GREB1L: variants seen among roughly 807,000 people sequenced by gnomAD.
GREB1L encodes GREB1-like protein.
A neutral mutation model predicts 200.8 loss-of-function variants in GREB1L; 17 were observed. The observed-to-expected ratio is 0.08, with a 90% CI of 0.06 to 0.13. The LOEUF (loss-of-function observed/expected upper bound fraction) is 0.13, where lower values mean the gene tolerates loss of function less well. Ranked by LOEUF, GREB1L falls within the 10% of genes least tolerant of loss-of-function variation. GREB1L has a pLI of 1.00. For missense variants in GREB1L, 1,657 were observed against 2,367.7 expected, an observed-to-expected ratio of 0.70 and a Z score of 6.23; for synonymous variants, 789 against 893.0, an observed-to-expected ratio of 0.88 and a Z score of 2.08.
intron 18 of GREB1L, among the ~76,000 whole-genome samples, chr18:21,486,669 T>C (rs2036141346): frequency 6.6e-6 from 1 of 152,170 alleles, no homozygotes; most frequent in Admixed American, 6.5e-5. Context: ...ATTTTCAGAT[T>C]AAACTCTGAA....
intron 20 of GREB1L, 24 bp downstream of exon 20, chr18:21,495,809 A>C (rs1290139273): frequency 7.7e-7 from 1 of 1,294,850 alleles, no homozygotes; most frequent in Non-Finnish European, 1.1e-6. Context: ...AATTAATTCC[A>C]TTTTTCATCA....
intron 1 of GREB1L, among the ~76,000 whole-genome samples, chr18:21,285,008 C>T (rs2038331551): frequency 1.3e-5 from 2 of 151,826 alleles, no homozygotes; most frequent in Non-Finnish European, 1.5e-5. Context: ...AATCCTTTGC[C>T]CAGTTTTTGA....
At chr18:21,302,775 G>A (rs1251642808) in intron 1 of GREB1L, among the ~76,000 whole-genome samples, 1 of 152,142 alleles carries the variant, frequency 6.6e-6, no homozygotes, top group Non-Finnish European at 1.5e-5. Flanking sequence ...AGGTTGGAGT[G>A]CAGTGGCGTG....
At chr18:21,512,638 CTTTTA>C (rs1468660945) in intron 27 of GREB1L, among the ~76,000 whole-genome samples, 3 of 151,802 alleles carry the variant, frequency 2.0e-5, no homozygotes, top group Non-Finnish European at 4.4e-5. Flanking sequence ...CTTTGGTTGC[CTTTTA>C]TTTATTTATT....
chr18:21,294,124 A>G (rs761190902), intron 1 of GREB1L, among the ~76,000 whole-genome samples: 2 of 152,184 alleles, frequency 1.3e-5, no homozygotes, highest in Admixed American at 6.6e-5. Context: ...ATGGTCCAGT[A>G]TGGTAGTCAC....
rs2039579065 is a variant in GREB1L, at chr18:21,361,463, T to A, written c.-119-4564T>A. On this transcript the variant is annotated intron_variant, in intron 1 of 32. Transcript: ENST00000424526. ...AGGCTGCACAAATTAAGGTGGAGAC[T>A]TGGGGGAGGGATCCAGTCAGGGAAG... 2.0e-5 allele frequency among the ~76,000 whole-genome samples: 3 copies of A among 152,068 alleles called. No homozygotes were observed. In the South Asian group the frequency reaches 6.2e-4, roughly 32 times the overall value.
At chr18:21,489,251 ACCAGGC>A (rs2036239325) in intron 18 of GREB1L, among the ~76,000 whole-genome samples, 2 of 152,090 alleles carry the variant, frequency 1.3e-5, no homozygotes, top group African/African-American at 4.8e-5. Flanking sequence ...TGCTGCTGCT[ACCAGGC>A]TCAGATTTGC....
chr18:21,437,422 A>T (rs901350589), intron 7 of GREB1L, among the ~76,000 whole-genome samples: 1 of 152,222 alleles, frequency 6.6e-6, no homozygotes. Flanking sequence ...AAGCGATCAG[A>T]TGAAAGGCTG....
At chr18:21,490,861 A>C (rs1477645663) in intron 19 of GREB1L, among the ~76,000 whole-genome samples, 1 of 152,082 alleles carries the variant, frequency 6.6e-6, no homozygotes, top group Non-Finnish European at 1.5e-5. Flanking sequence ...TGGATTCCTC[A>C]GCAGTTTGTT....
intron 16 of GREB1L, among the ~76,000 whole-genome samples, 176 bp downstream of exon 16, chr18:21,473,387 T>G (rs1331325740): frequency 6.6e-6 from 1 of 151,820 alleles, no homozygotes; most frequent in Non-Finnish European, 1.5e-5. Context: ...CTGGCCAACA[T>G]GGTGAAACCC....
rs143267271 is a variant in GREB1L at position 21,307,337 on chromosome 18, C to T, written c.-119-58690C>T. Reference sequence around the variant, plus strand: ...TAGAGCTGGTGGATTTGGGGCTGACCGACTTGGCCTGGTAGAATTAAGGTT... The same window carrying T: ...TAGAGCTGGTGGATTTGGGGCTGACTGACTTGGCCTGGTAGAATTAAGGTT... On this transcript the variant is annotated intron_variant, in intron 1 of 32. Coordinates refer to ENST00000424526, the MANE Select transcript of GREB1L (RefSeq NM_001142966.3). Among the ~76,000 whole-genome samples, 17 of 152,230 alleles carry T rather than the reference C, an allele frequency of 1.1e-4. No individual in the cohort carries two copies. The East Asian group carries it at 3.1e-3, about 28-fold the overall frequency.
intron 20 of GREB1L, 26 bp from the exon 21 acceptor site, chr18:21,496,428 C>T (rs2036547704): frequency 1.3e-6 from 2 of 1,551,086 alleles, no homozygotes. Context: ...GATAGACTCA[C>T]CAACAACACA....
chr18:21,291,212 C>T (rs2038445014), intron 1 of GREB1L, among the ~76,000 whole-genome samples: 3 of 152,104 alleles, frequency 2.0e-5, no homozygotes, highest in Admixed American at 2.0e-4. Context: ...TTCCTGAAAC[C>T]CAAGCATTCT....
intron 1 of GREB1L, among the ~76,000 whole-genome samples, chr18:21,275,430 G>A (rs2038146524): frequency 6.6e-6 from 1 of 152,014 alleles, no homozygotes; most frequent in South Asian, 2.1e-4. Context: ...AGGCTGAAGT[G>A]CAGTAGCAGT....
At chr18:21,474,138 T>G (rs1465143805) in intron 16 of GREB1L, among the ~76,000 whole-genome samples, 1 of 152,076 alleles carries the variant, frequency 6.6e-6, no homozygotes, top group African/African-American at 2.4e-5. Context: ...TCTTCACATT[T>G]CAAAACCAAT....
At chr18:21,278,388 A>AAAAAAAAT (rs1555624388) in intron 1 of GREB1L, among the ~76,000 whole-genome samples, 28 of 138,436 alleles carry the variant, frequency 2.0e-4, no homozygotes, top group African/African-American at 8.4e-4. Context: ...CTCAAAAAAA[A>AAAAAAAAT]AAAATAAATA....
chr18:21,413,349 G>A (rs112627025), intron 7 of GREB1L, among the ~76,000 whole-genome samples: 6 of 152,116 alleles, frequency 3.9e-5, no homozygotes, highest in African/African-American at 1.4e-4. Context: ...AGATGTGGCC[G>A]TGTCTGTCTC....
chr18:21,449,790 T>C lies in GREB1L; in HGVS notation c.1674T>C (p.Ile558=). Residue 558 remains isoleucine, a synonymous_variant, in exon 12 of 33, where the codon ATT becomes ATC. Transcript: ENST00000424526. The part of the protein sequence containing the change: ...YQRLPDYVVV[I]CASKIRGNEF... Reference sequence around the variant, plus strand: ...GGCTGCCAGATTATGTGGTGGTAATTTGTGCATCGAAAATCAGAGGAAATG... The same window carrying C: ...GGCTGCCAGATTATGTGGTGGTAATCTGTGCATCGAAAATCAGAGGAAATG... 1 of 1,545,598 alleles carries C rather than the reference T, an allele frequency of 6.5e-7. No homozygotes were observed. Among genetic ancestry groups the C allele is most frequent in the Non-Finnish European group, 8.7e-7 (1 of 1,143,060 alleles).
At chr18:21,502,650 T>A (rs7243355) in intron 23 of GREB1L, among the ~76,000 whole-genome samples, 1 of 152,044 alleles carries the variant, frequency 6.6e-6, no homozygotes, top group African/African-American at 2.4e-5. Context: ...TACATCTCCT[T>A]GTTTTTTTCC....
Sources: gnomAD v4.1 joint callset for allele counts (sites outside exome capture counted in the v4.1 genomes callset) on GRCh38, gnomAD v4.1.1 for gene constraint, MANE v1.5 for transcripts, NCBI Gene and HGNC (gene_info 2026-07-23, HGNC 2026-07-21) for gene names.